WWOX: variants seen among roughly 807,000 people sequenced by gnomAD.
The protein encoded by WWOX is WW domain containing oxidoreductase.
Under a neutral mutation model 46.2 loss-of-function variants are expected in WWOX, and 69 were observed. The ratio of observed to expected loss-of-function variants is 1.49; its 90% CI spans 1.23 to 1.82. WWOX has a LOEUF of 1.82. Ranked by LOEUF, WWOX falls within the 40% of genes most tolerant of loss-of-function variation. WWOX has a pLI of 0.00. For synonymous variants in WWOX, 359 were observed against 202.6 expected, an observed-to-expected ratio of 1.77 and a Z score of -6.56; for missense variants, 919 against 542.6, an observed-to-expected ratio of 1.69 and a Z score of -6.89.
intron 8 of WWOX, among the ~76,000 whole-genome samples, chr16:78,433,040 T>C (rs1207808788): frequency 6.6e-6 from 1 of 152,172 alleles, no homozygotes; most frequent in Non-Finnish European, 1.5e-5. Flanking sequence ...GGTTTTGTTT[T>C]TTTTGGGGTT....
At chr16:78,796,288 C>G (rs1447587390) in intron 8 of WWOX, among the ~76,000 whole-genome samples, 1 of 152,228 alleles carries the variant, frequency 6.6e-6, no homozygotes, top group Admixed American at 6.5e-5. Context: ...ACATCTTGGG[C>G]TCAGCCATAC....
intron 7 of WWOX, among the ~76,000 whole-genome samples, chr16:78,430,750 A>T (rs2083198277): frequency 6.6e-6 from 1 of 152,146 alleles, no homozygotes; most frequent in Non-Finnish European, 1.5e-5. Context: ...TCTGGCCATC[A>T]GCTTTGTTGA....
chr16:78,820,466 G>A (rs1355729870), intron 8 of WWOX, among the ~76,000 whole-genome samples: 1 of 152,086 alleles, frequency 6.6e-6, no homozygotes, highest in African/African-American at 2.4e-5. Context: ...TCTTACTGAT[G>A]ATCTGAGAAC....
chr16:78,529,601 G>A (rs972400162), intron 8 of WWOX, among the ~76,000 whole-genome samples: 3 of 152,038 alleles, frequency 2.0e-5, no homozygotes, highest in African/African-American at 7.2e-5. Flanking sequence ...TGAGTAGCTG[G>A]GATTACAGGT....
intron 8 of WWOX, among the ~76,000 whole-genome samples, chr16:78,715,171 G>T (rs998647399): frequency 6.6e-6 from 1 of 152,164 alleles, no homozygotes; most frequent in Non-Finnish European, 1.5e-5. Context: ...ACAGAGATCA[G>T]TTAGAAGATT....
intron 8 of WWOX, among the ~76,000 whole-genome samples, chr16:78,600,853 C>A (rs548978825): frequency 6.6e-6 from 1 of 152,124 alleles, no homozygotes; most frequent in Non-Finnish European, 1.5e-5. Flanking sequence ...AGGTGACTCA[C>A]GCCTAGAATC....
At position 79,212,465 on chromosome 16, in the gene WWOX, C is replaced by A. The variant is rs1030215251; in HGVS notation, c.*669C>A. ...AGAGATTATAACAAATTTTTCAAATCATTCCTTAGATACCTTGAAAGGCAG... is the reference window on the plus strand; with the variant it reads ...AGAGATTATAACAAATTTTTCAAATAATTCCTTAGATACCTTGAAAGGCAG... On this transcript the variant is annotated 3_prime_UTR_variant, in exon 9 of 9. Coordinates refer to ENST00000566780, the MANE Select transcript of WWOX (RefSeq NM_016373.4). 1 of 241,726 alleles carries A rather than the reference C, an allele frequency of 4.1e-6. No individual in the cohort carries two copies. The highest frequency in any genetic ancestry group is 8.8e-5 in the South Asian group (1 of 11,318). The allele number at this position is 241,726 out of a possible 1,614,324, so 15.0% of individuals were successfully genotyped here. A position where few individuals can be genotyped will look rare whatever the true frequency, so the allele number is the denominator to read the frequency against.
chr16:78,446,931 G>A (rs915500162), intron 8 of WWOX, among the ~76,000 whole-genome samples: 1 of 152,100 alleles, frequency 6.6e-6, no homozygotes, highest in Non-Finnish European at 1.5e-5. Flanking sequence ...AAAGTGCTGG[G>A]ATGACAGGTG....
chr16:78,617,259 G>A (rs532339529), intron 8 of WWOX, among the ~76,000 whole-genome samples: 5 of 152,070 alleles, frequency 3.3e-5, no homozygotes, highest in African/African-American at 1.2e-4. Flanking sequence ...AATATTAGGT[G>A]GGCGTGGTGG....
At chr16:78,173,918 T>C (rs1450406155) in intron 5 of WWOX, among the ~76,000 whole-genome samples, 1 of 152,096 alleles carries the variant, frequency 6.6e-6, no homozygotes, top group Admixed American at 6.5e-5. Flanking sequence ...AGTAGCCTGT[T>C]TCTTGCTGTG....
intron 8 of WWOX, among the ~76,000 whole-genome samples, chr16:78,743,325 G>C (rs2049275159): frequency 1.3e-5 from 2 of 152,134 alleles, no homozygotes; most frequent in African/African-American, 4.8e-5. Flanking sequence ...AAAGAAGACT[G>C]TGTTTGCTGT....
chr16:78,858,549 G>C lies in WWOX; in HGVS notation c.1057-353059G>C, dbSNP rs60123013. ...TGATTTGGGGTTGAGGTGATAAACA[G>C]TAATTATAAATAGTGGTAGATAACT... On this transcript the variant is annotated intron_variant, in intron 8 of 8. Coordinates refer to ENST00000566780, the MANE Select transcript of WWOX (RefSeq NM_016373.4). Among the ~76,000 whole-genome samples the C allele has an allele frequency of 2.6e-5, 4 of 152,046 alleles. No homozygotes were observed. The East Asian group carries it at 7.8e-4, about 30-fold the overall frequency.
chr16:78,857,502 A>G (rs1051091906), intron 8 of WWOX, among the ~76,000 whole-genome samples: 1 of 152,172 alleles, frequency 6.6e-6, no homozygotes, highest in African/African-American at 2.4e-5. Flanking sequence ...CAATTTTCTG[A>G]TAAACTTTAA....
intron 8 of WWOX, among the ~76,000 whole-genome samples, chr16:78,594,411 G>C (rs933833812): frequency 7.8e-6 from 1 of 128,790 alleles, no homozygotes; most frequent in Non-Finnish European, 1.6e-5. Context: ...GAGTCTTGAC[G>C]AAGAAGACTG....
chr16:78,914,978 G>A (rs1055187364), intron 8 of WWOX, among the ~76,000 whole-genome samples: 1 of 151,828 alleles, frequency 6.6e-6, no homozygotes, highest in Non-Finnish European at 1.5e-5. Flanking sequence ...TTAATTCCAG[G>A]GTCATGTATT....
intron 8 of WWOX, among the ~76,000 whole-genome samples, chr16:79,070,791 C>G (rs1295291589): frequency 3.3e-5 from 5 of 152,184 alleles, no homozygotes; most frequent in African/African-American, 4.8e-5. Flanking sequence ...TCAAAGAACA[C>G]AGATGAAGTT....
intron 5 of WWOX, among the ~76,000 whole-genome samples, chr16:78,223,149 G>T (rs2151799625): frequency 6.6e-6 from 1 of 152,252 alleles, no homozygotes; most frequent in East Asian, 1.9e-4. Context: ...TAAATATATT[G>T]CCTTTCTCAC....
chr16:78,852,490 T>A (rs907442854), intron 8 of WWOX, among the ~76,000 whole-genome samples: 1 of 152,150 alleles, frequency 6.6e-6, no homozygotes, highest in African/African-American at 2.4e-5. Context: ...CCAGCCAACA[T>A]GAGCGAGCCT....
intron 8 of WWOX, among the ~76,000 whole-genome samples, chr16:78,779,330 A>T (rs182508793): frequency 6.6e-6 from 1 of 152,230 alleles, no homozygotes; most frequent in African/African-American, 2.4e-5. Flanking sequence ...TATTTTTAGT[A>T]GAGAGGCAGT....
Sources: gnomAD v4.1 joint callset for allele counts (sites outside exome capture counted in the v4.1 genomes callset) on GRCh38, gnomAD v4.1.1 for gene constraint, MANE v1.5 for transcripts, NCBI Gene and HGNC (gene_info 2026-07-23, HGNC 2026-07-21) for gene names.